COL28A1: variants seen among roughly 807,000 people sequenced by gnomAD.
COL28A1 encodes the protein collagen type XXVIII alpha 1 chain, also known as collagen alpha-1(XXVIII) chain.
COL28A1 carries 161 observed loss-of-function variants against 150.2 expected under a neutral mutation model. The ratio of observed to expected loss-of-function variants is 1.07; its 90% CI spans 0.94 to 1.22. The LOEUF is 1.22. COL28A1 is among the 50% of genes most tolerant of loss of function. COL28A1 has a pLI of 0.00. For synonymous variants in COL28A1, 552 were observed against 469.7 expected, an observed-to-expected ratio of 1.18 and a Z score of -2.26; for missense variants, 1,617 against 1,388.3, an observed-to-expected ratio of 1.16 and a Z score of -2.62.
chr7:7,515,275 C>G (rs75436181), intron 8 of COL28A1, among the ~76,000 whole-genome samples: 1 of 152,130 alleles, frequency 6.6e-6, no homozygotes, highest in African/African-American at 2.4e-5. Flanking sequence ...ACTTGTAACT[C>G]GCAAATAATC....
intron 27 of COL28A1, among the ~76,000 whole-genome samples, chr7:7,388,318 C>G (rs995188182): frequency 5.9e-5 from 9 of 152,156 alleles, no homozygotes; most frequent in African/African-American, 2.2e-4. Context: ...CAGCTTCATC[C>G]ATGTCTCTGC....
chr7:7,519,029 C>A (rs2115185803), intron 6 of COL28A1, among the ~76,000 whole-genome samples: 1 of 152,274 alleles, frequency 6.6e-6, no homozygotes, highest in South Asian at 2.1e-4. Flanking sequence ...ATTTCTATTT[C>A]TTTAATATTC....
intron 15 of COL28A1, among the ~76,000 whole-genome samples, chr7:7,465,981 T>A: frequency 1.3e-5 from 1 of 79,954 alleles, no homozygotes. Flanking sequence ...AGACCAAAAG[T>A]AGATAAAACC....
intron 11 of COL28A1, among the ~76,000 whole-genome samples, chr7:7,502,242 TA>T (rs1160659261): frequency 6.6e-6 from 1 of 152,120 alleles, no homozygotes; most frequent in Non-Finnish European, 1.5e-5. Flanking sequence ...TCCTGTGTGG[TA>T]GAGGATGAGG....
chr7:7,487,802 C>G (rs1779709163), intron 13 of COL28A1, among the ~76,000 whole-genome samples: 1 of 152,146 alleles, frequency 6.6e-6, no homozygotes, highest in Non-Finnish European at 1.5e-5. Flanking sequence ...TTAGATGTCA[C>G]AGAAATGATG....
At chr7:7,355,366 T>A (rs1043206671), downstream of COL28A1, among the ~76,000 whole-genome samples, 1 of 151,890 alleles carries the variant, frequency 6.6e-6, no homozygotes, top group Non-Finnish European at 1.5e-5. Context: ...CCCAAACACT[T>A]TGGGAGGCTG....
chr7:7,529,872 G>A (rs555033055), intron 3 of COL28A1, among the ~76,000 whole-genome samples: 7 of 152,186 alleles, frequency 4.6e-5, no homozygotes, highest in Non-Finnish European at 1.0e-4. Flanking sequence ...TGTTAGCCAG[G>A]AACCACTACA....
chr7:7,404,210 G>C (rs544454737), intron 27 of COL28A1, among the ~76,000 whole-genome samples: 9 of 152,090 alleles, frequency 5.9e-5, no homozygotes, highest in Non-Finnish European at 1.0e-4. Context: ...ACAAGGTGGG[G>C]GAGGGATTCT....
intron 13 of COL28A1, among the ~76,000 whole-genome samples, chr7:7,479,172 C>G (rs946243575): frequency 2.6e-5 from 4 of 152,216 alleles, no homozygotes; most frequent in Non-Finnish European, 5.9e-5. Context: ...AACCAATCCC[C>G]CATGAATACC....
At chr7:7,375,682 G>C (rs192225698) in intron 30 of COL28A1, among the ~76,000 whole-genome samples, 185 bp from the exon 31 acceptor site, 8 of 152,270 alleles carry the variant, frequency 5.3e-5, no homozygotes, top group Admixed American at 5.2e-4. Flanking sequence ...AAATGCGTTT[G>C]AGCTGTGAAA....
the COL28A1 span, among the ~76,000 whole-genome samples, chr7:7,542,948 G>C: frequency 1.3e-5 from 2 of 152,076 alleles, no homozygotes; most frequent in Non-Finnish European, 1.5e-5. Context: ...AAATGAAGGA[G>C]AAAGATGGTA....
intron 25 of COL28A1, 101 bp downstream of exon 25, chr7:7,432,372 C>A: frequency 4.8e-6 from 4 of 833,040 alleles, no homozygotes; most frequent in Non-Finnish European, 7.9e-6. Flanking sequence ...ATTTCAGACA[C>A]CTCTACTCTT....
At chr7:7,371,896 A>G (rs1781242371) in intron 32 of COL28A1, among the ~76,000 whole-genome samples, 1 of 151,858 alleles carries the variant, frequency 6.6e-6, no homozygotes. Context: ...GCAGTGGTAC[A>G]ATCTCGGCTC....
chr7:7,367,242 G>A (rs1223197510), intron 33 of COL28A1, among the ~76,000 whole-genome samples: 1 of 152,176 alleles, frequency 6.6e-6, no homozygotes, highest in Non-Finnish European at 1.5e-5. Flanking sequence ...AGATTTGTGT[G>A]AGTACACTCT....
At chr7:7,525,234 C>T (rs549740116) in intron 3 of COL28A1, among the ~76,000 whole-genome samples, 23 of 152,174 alleles carry the variant, frequency 1.5e-4, no homozygotes, top group Non-Finnish European at 2.8e-4. Flanking sequence ...ACCTCCTGAC[C>T]GTCTTCAGTG....
chr7:7,397,181 G>A (rs1013029960), intron 27 of COL28A1, among the ~76,000 whole-genome samples: 1 of 152,210 alleles, frequency 6.6e-6, no homozygotes, highest in Non-Finnish European at 1.5e-5. Context: ...TCTAGAGGCT[G>A]TAAGAAGAGA....
rs1226024205 is a variant in COL28A1, at chr7:7,489,400, G to A, written c.1153C>T (p.Pro385Ser). Residue 385 changes from proline (P) to serine (S), a missense_variant, in exon 13 of 35, where the codon CCT becomes TCT. Transcript: ENST00000399429. ...GAPGPIGVGE[P>S]GQPGPRGPEG... Reference sequence around the variant, plus strand: ...TTTTTGCTACTTACTGGCTGTCCAGGCTCACCAACTCCAATGGGTCCTGGA... The same window carrying A: ...TTTTTGCTACTTACTGGCTGTCCAGACTCACCAACTCCAATGGGTCCTGGA... 7.1e-7 allele frequency: 1 copy of A among 1,398,732 alleles called. No individual in the cohort carries two copies. Among genetic ancestry groups the A allele is most frequent in the Non-Finnish European group, 1.0e-6 (1 of 983,102 alleles). The allele number at this position is 1,398,732 out of a possible 1,614,324, so 86.6% of individuals were successfully genotyped here.
chr7:7,535,138 G>T (rs1215082515), intron 1 of COL28A1, among the ~76,000 whole-genome samples: 1 of 152,128 alleles, frequency 6.6e-6, no homozygotes, highest in Non-Finnish European at 1.5e-5. Context: ...TTAAGTGAAA[G>T]AAATGTGAAC....
intron 15 of COL28A1, among the ~76,000 whole-genome samples, chr7:7,474,025 A>G (rs961896261): frequency 6.8e-6 from 1 of 147,486 alleles, no homozygotes; most frequent in East Asian, 2.0e-4. Context: ...TTTTATATAT[A>G]TGATGGAATA....
Sources: gnomAD v4.1 joint callset for allele counts (sites outside exome capture counted in the v4.1 genomes callset) on GRCh38, gnomAD v4.1.1 for gene constraint, MANE v1.5 for transcripts, NCBI Gene and HGNC (gene_info 2026-07-23, HGNC 2026-07-21) for gene names.